The following RAB27B variants were observed in gnomAD, a reference collection of about 807,000 sequenced individuals.
The protein encoded by RAB27B is ras-related protein Rab-27B.
In RAB27B, 15 loss-of-function variants were observed where a neutral mutation model predicts 24.6. The ratio of observed to expected loss-of-function variants is 0.61; its 90% CI spans 0.41 to 0.94. The LOEUF is 0.94. Among genes scored for constraint, RAB27B ranks in the 40% least tolerant of loss-of-function variants. The pLI, the probability that RAB27B is intolerant of heterozygous loss-of-function variation, is 0.00. For missense variants in RAB27B, 261 were observed against 266.8 expected (o/e 0.98, Z 0.15); for synonymous variants, 105 against 92.5 (o/e 1.14, Z -0.78).
chr18:54,825,269 C>T (rs953739986), upstream of RAB27B, among the ~76,000 whole-genome samples: 2 of 152,118 alleles, frequency 1.3e-5, no homozygotes, highest in Non-Finnish European at 2.9e-5. Context: ...TTTATTTTAT[C>T]TCAGAATGAT....
intron 2 of RAB27B, among the ~76,000 whole-genome samples, chr18:54,789,822 A>G (rs924686619): frequency 1.3e-5 from 2 of 152,142 alleles, no homozygotes; most frequent in Admixed American, 1.3e-4. Flanking sequence ...CAATAAAGCA[A>G]TCTGTTACTA....
At chr18:54,809,625 A>G (rs1305601440) in intron 2 of RAB27B, among the ~76,000 whole-genome samples, 1 of 152,230 alleles carries the variant, frequency 6.6e-6, no homozygotes, top group African/African-American at 2.4e-5. Context: ...GCTAATGCAT[A>G]AGTCAAAACC....
intron 2 of RAB27B, among the ~76,000 whole-genome samples, chr18:54,742,847 G>A (rs1011223108): frequency 6.6e-6 from 1 of 152,154 alleles, no homozygotes; most frequent in Non-Finnish European, 1.5e-5. Context: ...TGATAATAGG[G>A]CTCATGACTC....
chr18:54,866,645 C>A (rs562671701), intron 1 of RAB27B, among the ~76,000 whole-genome samples: 6 of 152,338 alleles, frequency 3.9e-5, no homozygotes, highest in African/African-American at 1.4e-4. Flanking sequence ...AGTTGTCCTA[C>A]CTGTGACGGG....
intron 1 of RAB27B, among the ~76,000 whole-genome samples, chr18:54,832,470 T>C (rs532448008): frequency 7.4e-4 from 112 of 152,346 alleles, no homozygotes; most frequent in Non-Finnish European, 5.0e-4. Flanking sequence ...AATTATCAGC[T>C]TGGGCTTTTG....
chr18:54,766,461 TCTC>T (rs1369520391), intron 2 of RAB27B, among the ~76,000 whole-genome samples: 3 of 152,120 alleles, frequency 2.0e-5, no homozygotes, highest in African/African-American at 7.2e-5. Flanking sequence ...TGTCTCCACA[TCTC>T]CTTTTTGTTT....
intron 3 of RAB27B, among the ~76,000 whole-genome samples, chr18:54,881,220 T>C (rs917193147): frequency 6.6e-6 from 1 of 152,164 alleles, no homozygotes; most frequent in Non-Finnish European, 1.5e-5. Flanking sequence ...AAAGGTTTTA[T>C]TGCAAATCGA....
At chr18:54,730,146 C>G (rs2144989578) in intron 2 of RAB27B, among the ~76,000 whole-genome samples, 1 of 152,182 alleles carries the variant, frequency 6.6e-6, no homozygotes, top group East Asian at 1.9e-4. Flanking sequence ...TAAACCCAAA[C>G]AGAGTGAAGA....
chr18:54,770,112 TG>T, intron 2 of RAB27B, among the ~76,000 whole-genome samples: 1 of 152,294 alleles, frequency 6.6e-6, no homozygotes. Flanking sequence ...CCCAAAGTTC[TG>T]GAATTACACG....
intron 2 of RAB27B, among the ~76,000 whole-genome samples, chr18:54,785,115 T>TA: frequency 6.6e-6 from 1 of 151,652 alleles, no homozygotes. Flanking sequence ...GTTCTTTTTT[T>TA]TTTTGAGACG....
intron 2 of RAB27B, among the ~76,000 whole-genome samples, chr18:54,748,170 A>G (rs1313119433): frequency 6.6e-6 from 1 of 152,148 alleles, no homozygotes; most frequent in Non-Finnish European, 1.5e-5. Flanking sequence ...ATTTAAAATT[A>G]TAATATTTAA....
At chr18:54,873,374 A>T (rs935794361) in intron 1 of RAB27B, among the ~76,000 whole-genome samples, 1 of 152,216 alleles carries the variant, frequency 6.6e-6, no homozygotes, top group Non-Finnish European at 1.5e-5. Context: ...ATACCACGAT[A>T]AAGACTAAGT....
At chr18:54,869,413 G>T (rs1052576883) in intron 1 of RAB27B, among the ~76,000 whole-genome samples, 1 of 152,244 alleles carries the variant, frequency 6.6e-6, no homozygotes, top group African/African-American at 2.4e-5. Flanking sequence ...TTATTGACAA[G>T]TGTCAGAGTT....
chr18:54,889,108 A>C, intron 5 of RAB27B, 116 bp from the exon 6 acceptor site: 1 of 1,011,010 alleles, frequency 9.9e-7, no homozygotes, highest in Non-Finnish European at 1.4e-6. Context: ...GCAAAACCAT[A>C]ATCATTTCAC....
rs749423666 is a variant in RAB27B at position 54,877,617 on chromosome 18, A to G, written c.32A>G (p.Lys11Arg). The change falls in exon 2 of 6, where the codon AAA becomes AGA. Residue 11 changes from lysine (K) to arginine (R), a missense_variant. Transcript: ENST00000262094. MTDGDYDYLI[K>R]LLALGDSGVG... is the part of the protein sequence containing the mutation. ...GATGGAGACTATGATTATCTGATCA[A>G]ACTCCTGGCCCTCGGGGATTCAGGG... is the stretch of plus-strand genomic sequence containing the variant. 2 of 1,588,106 alleles carry G rather than the reference A, an allele frequency of 1.3e-6. No homozygotes were observed. The highest frequency in any genetic ancestry group is 1.7e-6 in the Non-Finnish European group (2 of 1,172,494).
At chr18:54,883,040 A>G (rs1473955116) in intron 3 of RAB27B, among the ~76,000 whole-genome samples, 1 of 152,106 alleles carries the variant, frequency 6.6e-6, no homozygotes, top group Non-Finnish European at 1.5e-5. Context: ...GTCGAAAGAT[A>G]TATGTTAACT....
intron 2 of RAB27B, among the ~76,000 whole-genome samples, chr18:54,725,727 C>T (rs565705967): frequency 6.6e-6 from 1 of 151,508 alleles, no homozygotes; most frequent in East Asian, 1.9e-4. Context: ...AACTCACTAT[C>T]ACGAGAATAG....
chr18:54,780,806 A>G (rs1395631629), intron 2 of RAB27B, among the ~76,000 whole-genome samples: 3 of 152,164 alleles, frequency 2.0e-5, no homozygotes, highest in African/African-American at 7.2e-5. Flanking sequence ...GTTTCAACAA[A>G]TTCTCCAGGT....
rs142909295 is a variant in RAB27B, at chr18:54,766,296, G to A, written c.-20+48155G>A. On this transcript the variant is annotated intron_variant, in intron 2 of 4. Transcript: ENST00000586570. ...GTCATTATGGATTAATGAAAGGACA[G>A]TCATGGCCCTGTAAATCGAAGCTAA... 4.7e-4 allele frequency among the ~76,000 whole-genome samples: 71 copies of A among 152,276 alleles called. No individual in the cohort carries two copies. The East Asian group carries it at 0.012, about 26-fold the overall frequency.
Sources: gnomAD v4.1 joint callset for allele counts (sites outside exome capture counted in the v4.1 genomes callset) on GRCh38, gnomAD v4.1.1 for gene constraint, MANE v1.5 for transcripts, NCBI Gene and HGNC (gene_info 2026-07-23, HGNC 2026-07-21) for gene names.